SORCS1: variants seen among roughly 807,000 people sequenced by gnomAD.
SORCS1 encodes the protein VPS10 domain-containing receptor SorCS1.
In SORCS1, 60 loss-of-function variants were observed where a neutral mutation model predicts 146.1. The observed-to-expected ratio is 0.41, with a 90% CI of 0.33 to 0.51. The LOEUF (loss-of-function observed/expected upper bound fraction) is 0.51. Among genes scored for constraint, SORCS1 ranks in the 20% least tolerant of loss-of-function variants. The probability of loss-of-function intolerance (pLI) is 0.21; values close to 1 mark genes in which losing one functional copy is unlikely to be tolerated. For synonymous variants in SORCS1, 637 were observed against 584.0 expected, an observed-to-expected ratio of 1.09 and a Z score of -1.31; for missense variants, 1,352 against 1,487.6, an observed-to-expected ratio of 0.91 and a Z score of 1.50.
At chr10:106,959,073 C>T (rs1360115510) in intron 1 of SORCS1, among the ~76,000 whole-genome samples, 1 of 152,188 alleles carries the variant, frequency 6.6e-6, no homozygotes, top group Non-Finnish European at 1.5e-5. Context: ...TTCAAAGGTG[C>T]CCCGGAGAAG....
rs117909533 is a variant in SORCS1, at chr10:107,111,466, C to T, written c.558+52503G>A. 1.2e-4 allele frequency among the ~76,000 whole-genome samples: 18 copies of T among 152,176 alleles called. No homozygotes were observed. In the East Asian group the frequency reaches 2.5e-3, roughly 21 times the overall value. On this transcript the variant is annotated intron_variant, in intron 1 of 25. Transcript: ENST00000263054. ...AACTTTAACAGCAGACTCCACTATG[C>T]AGAAGAAATAATTAGTGAATTCAAA...
chr10:106,936,337 C>T (rs1953715224), intron 2 of SORCS1, among the ~76,000 whole-genome samples: 1 of 152,132 alleles, frequency 6.6e-6, no homozygotes, highest in Admixed American at 6.5e-5. Flanking sequence ...CCAGAAACAG[C>T]ACAAAACTGA....
intron 1 of SORCS1, among the ~76,000 whole-genome samples, chr10:107,138,957 T>C (rs1376237149): frequency 6.6e-6 from 1 of 152,188 alleles, no homozygotes; most frequent in African/African-American, 2.4e-5. Context: ...TCCTCTTCTC[T>C]AGCCACGTAA....
chr10:107,064,173 T>A (rs903520286), intron 1 of SORCS1, among the ~76,000 whole-genome samples: 3 of 152,176 alleles, frequency 2.0e-5, no homozygotes, highest in Non-Finnish European at 2.9e-5. Context: ...CATGTAAACA[T>A]TTTTTCTTAG....
chr10:106,760,732 C>T (rs1859040544), intron 5 of SORCS1, among the ~76,000 whole-genome samples: 1 of 151,770 alleles, frequency 6.6e-6, no homozygotes, highest in Admixed American at 6.6e-5. Flanking sequence ...CACACACACA[C>T]ACACGCACAT....
Position 107,141,240 on chromosome 10 carries a change from C to A in SORCS1, c.558+22729G>T, listed in dbSNP as rs7092479. 4.1e-3 allele frequency among the ~76,000 whole-genome samples: 626 copies of A among 152,268 alleles called. 4 individuals carry two copies. The highest frequency in any genetic ancestry group is 0.014 in the African/African-American group (582 of 41,556). Reference sequence around the variant, plus strand: ...GTTCATAAGATTCTGGACTAAGCAACCCCCTGGGCTAAGTTTTATCTTGGC... The same window carrying A: ...GTTCATAAGATTCTGGACTAAGCAAACCCCTGGGCTAAGTTTTATCTTGGC... On this transcript the variant is annotated intron_variant, in intron 1 of 25. Transcript: ENST00000263054.
intron 1 of SORCS1, among the ~76,000 whole-genome samples, chr10:107,152,088 G>A (rs1033239160): frequency 2.0e-5 from 3 of 152,202 alleles, no homozygotes; most frequent in African/African-American, 7.2e-5. Context: ...AGCTCCAGCT[G>A]TGGCTAAAAG....
chr10:106,676,927 C>T (rs1320127669), intron 13 of SORCS1, among the ~76,000 whole-genome samples: 4 of 152,256 alleles, frequency 2.6e-5, no homozygotes, highest in Middle Eastern at 3.4e-3. Context: ...ATCATGATTG[C>T]CTAATTGACA....
chr10:106,914,289 T>C (rs924950800), intron 2 of SORCS1, among the ~76,000 whole-genome samples: 1 of 152,162 alleles, frequency 6.6e-6, no homozygotes, highest in Admixed American at 6.5e-5. Context: ...AAACTAAAAC[T>C]GCTAGATGCT....
chr10:106,925,962 G>T (rs1210554753), intron 2 of SORCS1, among the ~76,000 whole-genome samples: 1 of 152,096 alleles, frequency 6.6e-6, no homozygotes, highest in Non-Finnish European at 1.5e-5. Flanking sequence ...ATGTTTTATA[G>T]ACTTTATCAG....
chr10:107,020,305 C>G (rs1300750936), intron 1 of SORCS1, among the ~76,000 whole-genome samples: 1 of 152,188 alleles, frequency 6.6e-6, no homozygotes, highest in African/African-American at 2.4e-5. Flanking sequence ...AGAATCAGAA[C>G]AAACTCAAAA....
intron 24 of SORCS1, among the ~76,000 whole-genome samples, chr10:106,587,664 C>T (rs1589670446): frequency 6.6e-6 from 1 of 152,224 alleles, no homozygotes; most frequent in East Asian, 1.9e-4. Flanking sequence ...ATTACACCTG[C>T]AAAAGAAATT....
intron 2 of SORCS1, among the ~76,000 whole-genome samples, chr10:106,906,066 C>A (rs146776349): frequency 2.4e-4 from 37 of 152,234 alleles, no homozygotes; most frequent in African/African-American, 8.9e-4. Context: ...CGTTTTCATG[C>A]TGCTGATAAA....
At chr10:106,988,463 C>G (rs964268287) in intron 1 of SORCS1, among the ~76,000 whole-genome samples, 1 of 151,986 alleles carries the variant, frequency 6.6e-6, no homozygotes, top group Non-Finnish European at 1.5e-5. Flanking sequence ...GACGTCTTAG[C>G]GTCTGAAAAA....
intron 2 of SORCS1, among the ~76,000 whole-genome samples, chr10:106,892,042 G>A (rs560791601): frequency 6.6e-6 from 1 of 152,112 alleles, no homozygotes; most frequent in Non-Finnish European, 1.5e-5. Flanking sequence ...ACATTTGCAC[G>A]TGACCCTAAA....
At chr10:106,598,236 A>ATATTATTAT (rs10579142) in intron 23 of SORCS1, among the ~76,000 whole-genome samples, 6,272 of 140,394 alleles carry the variant, frequency 0.045, 293 homozygotes, top group African/African-American at 0.11. Context: ...CACTCCTATT[A>ATATTATTAT]TATTATTATT....
Position 106,577,357 on chromosome 10 carries a change from T to C in SORCS1, c.*63A>G. 1 of 1,612,724 alleles carries C rather than the reference T, an allele frequency of 6.2e-7. No homozygotes were observed. Among genetic ancestry groups the C allele is most frequent in the Non-Finnish European group, 8.5e-7 (1 of 1,179,208 alleles). On this transcript the variant is annotated 3_prime_UTR_variant, in exon 26 of 26. Transcript: ENST00000263054. ...AAGTTAGTGGTCATGAAGGATGATG[T>C]ACTTGACAAGAGCGAAATTCTTTCC... is the stretch of plus-strand genomic sequence containing the variant.
chr10:106,821,217 T>C (rs2136920863), intron 3 of SORCS1, among the ~76,000 whole-genome samples: 1 of 152,370 alleles, frequency 6.6e-6, no homozygotes, highest in East Asian at 1.9e-4. Flanking sequence ...TCCAGATCAA[T>C]CTTCATAATA....
At chr10:106,990,519 C>G (rs1001015234) in intron 1 of SORCS1, among the ~76,000 whole-genome samples, 1 of 152,170 alleles carries the variant, frequency 6.6e-6, no homozygotes, top group Non-Finnish European at 1.5e-5. Context: ...ATCTGCCTGC[C>G]TCAGCCTCCC....
Sources: allele counts gnomAD v4.1 joint callset (sites outside exome capture counted in the v4.1 genomes callset), GRCh38; gene constraint gnomAD v4.1.1; transcripts MANE v1.5; gene names NCBI Gene and HGNC (gene_info 2026-07-23, HGNC 2026-07-21).